Variants in GXYLT2 observed in about 807,000 individuals in gnomAD.
The protein encoded by GXYLT2 is glycosyltransferase 8 domain containing 4.
Under a neutral mutation model 45.8 loss-of-function variants are expected in GXYLT2, and 53 were observed. That is an observed-to-expected ratio of 1.16 (90% CI 0.93 to 1.46). The LOEUF (loss-of-function observed/expected upper bound fraction) is 1.46. GXYLT2 is among the 40% of genes most tolerant of loss of function. The pLI is 0.00. For synonymous variants in GXYLT2, 219 were observed against 214.2 expected (o/e 1.02, Z -0.19); for missense variants, 551 against 544.4 (o/e 1.01, Z -0.12).
intron 1 of GXYLT2, among the ~76,000 whole-genome samples, chr3:72,896,774 C>T (rs546064291): frequency 2.0e-5 from 3 of 151,900 alleles, no homozygotes; most frequent in South Asian, 4.2e-4. Context: ...TGCTTGAACC[C>T]GGGAGGCAGA....
At chr3:72,912,255 C>T (rs902472450) in intron 2 of GXYLT2, among the ~76,000 whole-genome samples, 1 of 152,010 alleles carries the variant, frequency 6.6e-6, no homozygotes, top group Non-Finnish European at 1.5e-5. Context: ...AGTAATCTAC[C>T]TGCCTCAGTC....
chr3:72,928,780 A>T (rs1172471511), intron 3 of GXYLT2, among the ~76,000 whole-genome samples: 1 of 64,826 alleles, frequency 1.5e-5, no homozygotes, highest in Non-Finnish European at 2.8e-5. Context: ...CTGAGGAAAT[A>T]ACTCCAAAAA....
At chr3:72,898,125 A>G (rs955855412) in intron 1 of GXYLT2, among the ~76,000 whole-genome samples, 3 of 152,214 alleles carry the variant, frequency 2.0e-5, no homozygotes, top group Admixed American at 6.5e-5. Flanking sequence ...TTTTTCTATG[A>G]TATATGCACT....
At chr3:72,910,321 C>G (rs17010250) in intron 2 of GXYLT2, among the ~76,000 whole-genome samples, 29,263 of 152,044 alleles carry the variant, frequency 0.19, 4,455 homozygotes, top group African/African-American at 0.43. Flanking sequence ...ATGGCTCACC[C>G]TTCCATGGAA....
At chr3:72,926,463 A>C (rs749715915) in intron 3 of GXYLT2, among the ~76,000 whole-genome samples, 1 of 152,242 alleles carries the variant, frequency 6.6e-6, no homozygotes, top group Non-Finnish European at 1.5e-5. Context: ...TCAGAAGCTT[A>C]AAATATTTAA....
At chr3:72,895,583 A>G (rs1709273250) in intron 1 of GXYLT2, among the ~76,000 whole-genome samples, 1 of 152,148 alleles carries the variant, frequency 6.6e-6, no homozygotes, top group South Asian at 2.1e-4. Flanking sequence ...TTCATTTATA[A>G]TTCACTGTAA....
At chr3:72,931,461 C>T (rs1159876579) in intron 3 of GXYLT2, among the ~76,000 whole-genome samples, 1 of 152,004 alleles carries the variant, frequency 6.6e-6, no homozygotes, top group East Asian at 1.9e-4. Flanking sequence ...GATCTCCTGA[C>T]CTCGTGATTC....
rs368716867 is a variant in GXYLT2 at position 72,900,126 on chromosome 3, T to G, written c.276-8241T>G. ...TTACTCACTTTAATAATTCAGTGTG[T>G]TTTGCAGTAATAGGCTACAAAGTAA... On this transcript the variant is annotated intron_variant, in intron 1 of 6. Transcript: ENST00000389617. 5.9e-5 allele frequency among the ~76,000 whole-genome samples: 9 copies of G among 152,308 alleles called. No individual in the cohort carries two copies. The East Asian group carries it at 9.7e-4, about 16-fold the overall frequency.
chr3:72,924,985 C>G (rs566457929), intron 3 of GXYLT2, among the ~76,000 whole-genome samples: 24 of 152,030 alleles, frequency 1.6e-4, no homozygotes, highest in Non-Finnish European at 2.9e-4. Flanking sequence ...GCTGAGGATA[C>G]TCAAGCAGAA....
intron 2 of GXYLT2, among the ~76,000 whole-genome samples, chr3:72,918,597 G>C (rs1012738536): frequency 1.3e-5 from 2 of 152,046 alleles, no homozygotes; most frequent in African/African-American, 4.8e-5. Flanking sequence ...GGATGAGGCG[G>C]GCGGATTGCC....
At chr3:72,963,045 C>T (rs1368088922) in intron 5 of GXYLT2, among the ~76,000 whole-genome samples, 2 of 151,852 alleles carry the variant, frequency 1.3e-5, no homozygotes, top group Non-Finnish European at 2.9e-5. Context: ...GGTGTGGGAG[C>T]TTATGCCTGT....
chr3:72,952,837 A>G (rs927757320), intron 3 of GXYLT2, among the ~76,000 whole-genome samples: 4 of 152,140 alleles, frequency 2.6e-5, no homozygotes, highest in African/African-American at 7.2e-5. Flanking sequence ...TCCAAAAGCC[A>G]TCACATTGTG....
chr3:72,925,582 G>A (rs2107105977), intron 3 of GXYLT2, among the ~76,000 whole-genome samples: 1 of 152,208 alleles, frequency 6.6e-6, no homozygotes, highest in East Asian at 1.9e-4. Flanking sequence ...ATTACTCTTT[G>A]AGGTGAGAGA....
chr3:72,930,154 G>A (rs557317782), intron 3 of GXYLT2, among the ~76,000 whole-genome samples: 1 of 138,736 alleles, frequency 7.2e-6, no homozygotes, highest in South Asian at 2.6e-4. Flanking sequence ...CAAAAAGGGC[G>A]AAACTCCATC....
chr3:72,919,063 G>C (rs1191837110), intron 2 of GXYLT2, among the ~76,000 whole-genome samples: 1 of 152,186 alleles, frequency 6.6e-6, no homozygotes, highest in East Asian at 1.9e-4. Context: ...CACTTTGGAA[G>C]ACGGTTTGGC....
chr3:72,913,315 A>G (rs946338694), intron 2 of GXYLT2, among the ~76,000 whole-genome samples: 4 of 151,090 alleles, frequency 2.6e-5, no homozygotes, highest in Non-Finnish European at 3.0e-5. Flanking sequence ...TGGGATTACA[A>G]GCGTGAGCCA....
Position 72,908,367 on chromosome 3 carries a change from G to T in GXYLT2, c.276G>T (p.Arg92Ser). The change falls in exon 2 of 7, where the codon AGG (arginine) becomes AGT (serine). Residue 92 changes from arginine to serine, a missense_variant and splice_region_variant. Physicochemically the swap from Arg to Ser is moderately radical, Grantham distance 110. Coordinates refer to ENST00000389617, the MANE Select transcript of GXYLT2 (RefSeq NM_001080393.2). Reference protein sequence around the residue: ...RGAARLEKLARRPGEPRSFQA... With the variant: ...RGAARLEKLASRPGEPRSFQA... ...TTTCACTTGTTTTCCCTCTTTCTAG[G>T]AGGCCTGGAGAACCCAGGAGTTTCC... The T allele has an allele frequency of 6.3e-7, 1 of 1,578,258 alleles. No individual in the cohort carries two copies.
chr3:72,955,316 G>T lies in GXYLT2; in HGVS notation c.819G>T (p.Met273Ile). Residue 273 changes from methionine to isoleucine, a missense_variant, in exon 4 of 7, where the codon ATG becomes ATT. Transcript: ENST00000389617. ...GAGTTAATTCAGGAGTCATGTTAAT[G>T]AATTTAACTCGGATAAGAAGTACCC... ...SAGVNSGVMLMNLTRIRSTQF... is the reference protein window; with the variant it reads ...SAGVNSGVMLINLTRIRSTQF... 6.8e-6 allele frequency: 11 copies of T among 1,613,932 alleles called. No individual in the cohort carries two copies. Among genetic ancestry groups the T allele is most frequent in the Non-Finnish European group, 9.3e-6 (11 of 1,179,866 alleles).
chr3:72,972,642 G>GGA (rs1711009524), intron 6 of GXYLT2, among the ~76,000 whole-genome samples: 1 of 84,558 alleles, frequency 1.2e-5, no homozygotes, highest in East Asian at 3.3e-4. Context: ...CTCTGTCTCG[G>GGA]AAAAAAAAAA....
Sources: allele counts gnomAD v4.1 joint callset (sites outside exome capture counted in the v4.1 genomes callset), GRCh38; gene constraint gnomAD v4.1.1; transcripts MANE v1.5; gene names NCBI Gene and HGNC (gene_info 2026-07-23, HGNC 2026-07-21).